The following LRP1B variants were observed in gnomAD, a reference collection of about 807,000 sequenced individuals.
LRP1B encodes the protein low-density lipoprotein receptor-related protein 1B.
A neutral mutation model predicts 556.6 loss-of-function variants in LRP1B; 217 were observed. That is an observed-to-expected ratio of 0.39 (90% CI 0.35 to 0.44). LRP1B has a LOEUF of 0.44. Ranked by LOEUF, LRP1B falls within the 20% of genes least tolerant of loss-of-function variation. The pLI, the probability that LRP1B is intolerant of heterozygous loss-of-function variation, is 1.00. For synonymous variants in LRP1B, 2,047 were observed against 1,865.8 expected (o/e 1.10, Z -2.50); for missense variants, 5,053 against 5,620.8 (o/e 0.90, Z 3.23).
intron 2 of LRP1B, among the ~76,000 whole-genome samples, chr2:141,575,123 A>G (rs1686684718): frequency 6.6e-6 from 1 of 152,198 alleles, no homozygotes; most frequent in East Asian, 1.9e-4. Flanking sequence ...TAAATTTTAT[A>G]TGGAATCAAA....
At chr2:140,946,546 A>G (rs1021384527) in intron 20 of LRP1B, among the ~76,000 whole-genome samples, 9 of 152,134 alleles carry the variant, frequency 5.9e-5, no homozygotes, top group African/African-American at 2.2e-4. Flanking sequence ...GGTTGCAGTG[A>G]GCTGAGATCA....
intron 52 of LRP1B, among the ~76,000 whole-genome samples, chr2:140,507,311 ATGT>A (rs1457688207): frequency 1.3e-5 from 2 of 152,224 alleles, no homozygotes; most frequent in Non-Finnish European, 2.9e-5. Flanking sequence ...AGTAATAAAA[ATGT>A]TGTTTCCTTG....
intron 1 of LRP1B, among the ~76,000 whole-genome samples, chr2:141,879,809 A>G (rs1419281766): frequency 6.6e-6 from 1 of 152,046 alleles, no homozygotes; most frequent in African/African-American, 2.4e-5. Flanking sequence ...GCAGAGATAA[A>G]GGAAACAACT....
At chr2:141,370,227 G>C (rs925923917) in intron 3 of LRP1B, among the ~76,000 whole-genome samples, 2 of 152,096 alleles carry the variant, frequency 1.3e-5, no homozygotes, top group African/African-American at 4.8e-5. Flanking sequence ...TCTCCAAACT[G>C]TTTTCCATAG....
intron 41 of LRP1B, among the ~76,000 whole-genome samples, chr2:140,677,876 C>CAAAAA (rs56656451): frequency 4.5e-4 from 34 of 75,254 alleles, no homozygotes; most frequent in Non-Finnish European, 6.6e-4. Flanking sequence ...AACTATGTCT[C>CAAAAA]AAAAAAAAAA....
chr2:141,607,219 G>A (rs1305794796), intron 2 of LRP1B, among the ~76,000 whole-genome samples: 1 of 151,386 alleles, frequency 6.6e-6, no homozygotes, highest in Non-Finnish European at 1.5e-5. Flanking sequence ...ACATAAGTGA[G>A]TGCATACCCA....
chr2:141,207,433 G>C (rs1017083923), intron 6 of LRP1B, among the ~76,000 whole-genome samples: 5 of 152,090 alleles, frequency 3.3e-5, no homozygotes, highest in Admixed American at 3.3e-4. Flanking sequence ...ATATGGTAAT[G>C]AATTATTCTT....
chr2:141,641,307 C>A (rs1174088098), intron 2 of LRP1B, among the ~76,000 whole-genome samples: 1 of 152,084 alleles, frequency 6.6e-6, no homozygotes, highest in African/African-American at 2.4e-5. Flanking sequence ...TGCATTCAAA[C>A]ATCAGGCATT....
rs549957164 is a variant in LRP1B at position 142,096,425 on chromosome 2, C to A, written c.82+34223G>T. 2.0e-4 allele frequency among the ~76,000 whole-genome samples: 30 copies of A among 147,048 alleles called. No homozygotes were observed. The East Asian group carries it at 5.6e-3, about 27-fold the overall frequency. ...GTCACTTTCATTATTCACATGACCACGAAAATAAATTGTATTTTTTTTTTT... is the reference window on the plus strand; with the variant it reads ...GTCACTTTCATTATTCACATGACCAAGAAAATAAATTGTATTTTTTTTTTT... On this transcript the variant is annotated intron_variant, in intron 1 of 90. Transcript: ENST00000389484.
intron 3 of LRP1B, among the ~76,000 whole-genome samples, chr2:141,426,800 A>G (rs549798753): frequency 6.6e-6 from 1 of 152,324 alleles, no homozygotes; most frequent in South Asian, 2.1e-4. Context: ...AACAAAGACA[A>G]GTAATCTGGT....
chr2:141,741,263 C>CTTTTTTTTT (rs11326947), intron 2 of LRP1B, among the ~76,000 whole-genome samples: 30 of 57,986 alleles, frequency 5.2e-4, no homozygotes, highest in East Asian at 7.9e-4. Context: ...TACTGATTTC[C>CTTTTTTTTT]TTTTTTTTTT....
intron 35 of LRP1B, among the ~76,000 whole-genome samples, chr2:140,737,707 G>T (rs556744700): frequency 6.6e-6 from 1 of 152,168 alleles, no homozygotes; most frequent in South Asian, 2.1e-4. Flanking sequence ...GAGCATGGGG[G>T]TGGATAGAGG....
At chr2:140,975,489 T>A (rs199822674) in intron 18 of LRP1B, among the ~76,000 whole-genome samples, 1 of 151,650 alleles carries the variant, frequency 6.6e-6, no homozygotes, top group Admixed American at 6.6e-5. Flanking sequence ...TAAAGTTATA[T>A]AAGCAGGACA....
intron 1 of LRP1B, among the ~76,000 whole-genome samples, chr2:141,889,388 T>C (rs11900253): frequency 0.061 from 9,341 of 152,214 alleles, 957 homozygotes; most frequent in African/African-American, 0.21. Context: ...ACTCATCATG[T>C]TTCTCCTTCT....
intron 32 of LRP1B, among the ~76,000 whole-genome samples, chr2:140,802,419 C>T (rs1690548387): frequency 6.6e-6 from 1 of 152,242 alleles, no homozygotes; most frequent in Middle Eastern, 3.4e-3. Flanking sequence ...TATTTTATAT[C>T]TAAAGACAAA....
At position 141,175,496 on chromosome 2, in the gene LRP1B, A is replaced by G. The variant is rs1680694966; in HGVS notation, c.1013+12925T>C. Among the ~76,000 whole-genome samples the G allele has an allele frequency of 3.9e-5, 6 of 152,282 alleles. No individual in the cohort carries two copies. In the South Asian group the frequency reaches 1.2e-3, roughly 32 times the overall value. ...CATTGCATCAGAGGGTACAAGCCCC[A>G]AGCTTCAGTGGCTTCCAGGTTGTGT... On this transcript the variant is annotated intron_variant, in intron 7 of 90. Coordinates refer to ENST00000389484, the MANE Select transcript of LRP1B (RefSeq NM_018557.3).
At chr2:140,826,027 TG>T (rs985837740) in intron 31 of LRP1B, among the ~76,000 whole-genome samples, 73 of 152,310 alleles carry the variant, frequency 4.8e-4, no homozygotes, top group Non-Finnish European at 8.7e-4. Context: ...TTCAATCAGT[TG>T]AAAGGCCTTA....
At chr2:142,001,047 G>A (rs1312800980) in intron 1 of LRP1B, among the ~76,000 whole-genome samples, 1 of 152,082 alleles carries the variant, frequency 6.6e-6, no homozygotes, top group African/African-American at 2.4e-5. Flanking sequence ...TTTATAAAGG[G>A]TTTCCCCTTT....
chr2:140,235,011 G>C, intron 89 of LRP1B, 127 bp from the exon 90 acceptor site: 2 of 470,450 alleles, frequency 4.3e-6, no homozygotes, highest in African/African-American at 2.0e-5. Flanking sequence ...TTTACAGTGT[G>C]TTCATGTTAG....
Sources: gnomAD v4.1 joint callset for allele counts (sites outside exome capture counted in the v4.1 genomes callset) on GRCh38, gnomAD v4.1.1 for gene constraint, MANE v1.5 for transcripts, NCBI Gene and HGNC (gene_info 2026-07-23, HGNC 2026-07-21) for gene names.